Variants in SYT7 observed in about 807,000 individuals in gnomAD.
The protein encoded by SYT7 is synaptotagmin-7.
In SYT7, 29 loss-of-function variants were observed where a neutral mutation model predicts 75.1. The ratio of observed to expected loss-of-function variants is 0.39; its 90% CI spans 0.29 to 0.53. The LOEUF (loss-of-function observed/expected upper bound fraction) is 0.53. Ranked by LOEUF, SYT7 falls within the 20% of genes least tolerant of loss-of-function variation. The pLI is 0.77. For missense variants in SYT7, 693 were observed against 953.2 expected (o/e 0.73, Z 3.59); for synonymous variants, 376 against 401.7 (o/e 0.94, Z 0.76).
At chr11:61,560,824 GA>G (rs2063619167) in intron 1 of SYT7, among the ~76,000 whole-genome samples, 1 of 152,142 alleles carries the variant, frequency 6.6e-6, no homozygotes, top group Non-Finnish European at 1.5e-5. Flanking sequence ...CCCTGTTGGT[GA>G]CAGGGAGCTT....
chr11:61,583,230 A>T (rs573941035), upstream of SYT7, among the ~76,000 whole-genome samples: 2 of 151,804 alleles, frequency 1.3e-5, no homozygotes, highest in Non-Finnish European at 2.9e-5. Flanking sequence ...GGTCTCAAAA[A>T]AAAAAAGAGC....
At chr11:61,560,730 A>G (rs1183692744) in intron 1 of SYT7, among the ~76,000 whole-genome samples, 1 of 152,170 alleles carries the variant, frequency 6.6e-6, no homozygotes, top group Non-Finnish European at 1.5e-5. Context: ...CATTCCCTGC[A>G]TATGGAGTCA....
chr11:61,522,933 CAG>C, intron 12 of SYT7, 140 bp downstream of exon 12: 1 of 810,844 alleles, frequency 1.2e-6, no homozygotes, highest in South Asian at 1.7e-5. Flanking sequence ...GATGAAGAAA[CAG>C]AGGCCTGAGA....
At chr11:61,550,572 C>T (rs2063319554) in intron 3 of SYT7, among the ~76,000 whole-genome samples, 1 of 152,168 alleles carries the variant, frequency 6.6e-6, no homozygotes, top group South Asian at 2.1e-4. Context: ...GTGGGGTTAC[C>T]ACCCCTACCT....
At chr11:61,554,726 A>C (rs774832867) in intron 2 of SYT7, among the ~76,000 whole-genome samples, 2 of 152,192 alleles carry the variant, frequency 1.3e-5, no homozygotes, top group Non-Finnish European at 2.9e-5. Flanking sequence ...ACCTTTCCTG[A>C]AATTCTGAGA....
intron 1 of SYT7, among the ~76,000 whole-genome samples, chr11:61,563,381 G>C (rs2063689289): frequency 6.6e-6 from 1 of 152,168 alleles, no homozygotes; most frequent in Non-Finnish European, 1.5e-5. Context: ...TCCCCTGCTG[G>C]GGAGGTCACC....
In SYT7 at chr11:61,524,030, C is replaced by T. The variant is rs987227451; in HGVS notation, c.1642-89G>A. ...TGCCCCCAGGTCCCCTCTACCCTGA[C>T]CTTGGTGCTTACCCATGCCCCTGTC... is the stretch of plus-strand genomic sequence containing the variant. On this transcript the variant is annotated intron_variant, in intron 10 of 12. Coordinates refer to ENST00000539008, the MANE Select transcript of SYT7 (RefSeq NM_001365809.2). The surrounding 1 kb of genome is among the most constrained non-coding windows in gnomAD (Gnocchi z 4.1). The T allele has an allele frequency of 2.3e-5, 27 of 1,192,420 alleles. No individual in the cohort carries two copies. The African/African-American group carries it at 3.8e-4, about 17-fold the overall frequency. 73.9% of individuals were successfully genotyped at this position (1,192,420 alleles called of 1,614,324 possible). A position where few individuals can be genotyped will look rare whatever the true frequency, so the allele number is the denominator to read the frequency against.
In SYT7 at chr11:61,517,363, T is replaced by C; in HGVS notation, c.*1264A>G. ...AATCCTGGTCTTTTCCCTGCCTCCT[T>C]TCCCTGCACTGTGAGTGAGTCGGGC... On this transcript the variant is annotated 3_prime_UTR_variant, in exon 13 of 13. Transcript: ENST00000539008. 2.5e-6 allele frequency: 1 copy of C among 398,674 alleles called. No homozygotes were observed. The highest frequency in any genetic ancestry group is 4.4e-6 in the Non-Finnish European group (1 of 226,106). 24.7% of individuals were successfully genotyped at this position (398,674 alleles called of 1,614,324 possible).
chr11:61,527,778 T>G, intron 9 of SYT7, 137 bp downstream of exon 9: 42 of 962,294 alleles, frequency 4.4e-5, no homozygotes, highest in Non-Finnish European at 6.0e-5. Context: ...TCTGCTTGCA[T>G]GTGTGTTTGT....
rs560013918 is a variant in SYT7 at position 61,524,353 on chromosome 11, G to C, written c.1641+10C>G. Reference sequence around the variant, plus strand: ...GCCTGTCCAGCTAAGACCCACCCATGGGGCCTTACACTCCCATCGCTGCAT... The same window carrying C: ...GCCTGTCCAGCTAAGACCCACCCATCGGGCCTTACACTCCCATCGCTGCAT... On this transcript the variant is annotated intron_variant, in intron 10 of 12. Coordinates refer to ENST00000539008, the MANE Select transcript of SYT7 (RefSeq NM_001365809.2). The surrounding 1 kb of genome is among the most constrained non-coding windows in gnomAD (Gnocchi z 4.1). 6.2e-7 allele frequency: 1 copy of C among 1,613,718 alleles called. No homozygotes were observed. The highest frequency in any genetic ancestry group is 1.3e-5 in the African/African-American group (1 of 75,026).
rs576756115 is a variant in SYT7, at chr11:61,514,380, T to TA, written c.*4246dup. Among the ~76,000 whole-genome samples, 90 of 152,190 alleles carry TA rather than the reference T, an allele frequency of 5.9e-4. No individual in the cohort carries two copies. Among genetic ancestry groups the TA allele is most frequent in the African/African-American group, 2.1e-3 (88 of 41,530 alleles). On this transcript the variant is annotated 3_prime_UTR_variant, in exon 13 of 13. Coordinates refer to ENST00000539008, the MANE Select transcript of SYT7 (RefSeq NM_001365809.2). ...GAGGGACAGACAGCTTTGGATGGGG[T>TA]ACTTAGTGCAGCTCCGGGAGGCAGC... is the stretch of plus-strand genomic sequence containing the variant.
intron 5 of SYT7, among the ~76,000 whole-genome samples, chr11:61,545,756 C>A (rs2063165211): frequency 6.6e-6 from 1 of 152,228 alleles, no homozygotes; most frequent in Admixed American, 6.5e-5. Flanking sequence ...TGAAATGAAG[C>A]TGCCCTGGGG....
At chr11:61,550,313 T>C (rs2063311886) in intron 3 of SYT7, among the ~76,000 whole-genome samples, 1 of 150,670 alleles carries the variant, frequency 6.6e-6, no homozygotes, top group African/African-American at 2.4e-5. Flanking sequence ...GAGGGAGCCC[T>C]CAGGAGCGGG....
upstream of SYT7, among the ~76,000 whole-genome samples, chr11:61,582,847 G>A (rs2064309346): frequency 6.6e-6 from 1 of 152,092 alleles, no homozygotes; most frequent in African/African-American, 2.4e-5. Context: ...ACCCCAGAAA[G>A]CTAAGCCAAC....
In SYT7 at chr11:61,542,428, GGCTGGGCTGCCGGCCCC is replaced by G. The variant is rs760156134; in HGVS notation, c.707_723del (p.Arg236ProfsTer91). 21 of 1,532,832 alleles carry G rather than the reference GGCTGGGCTGCCGGCCCC, an allele frequency of 1.4e-5. No individual in the cohort carries two copies. The highest frequency in any genetic ancestry group is 2.2e-4 in the Middle Eastern group (1 of 4,552). 95.0% of individuals were successfully genotyped at this position (1,532,832 alleles called of 1,614,324 possible). A position where few individuals can be genotyped will look rare whatever the true frequency, so the allele number is the denominator to read the frequency against. On this transcript the variant is annotated frameshift_variant, in exon 6 of 13. Coordinates refer to ENST00000539008, the MANE Select transcript of SYT7 (RefSeq NM_001365809.2). LOFTEE classifies it high-confidence loss of function. The surrounding 1 kb of genome is among the most constrained non-coding windows in gnomAD (Gnocchi z 7.8). ...CCCAGGCTCTGGCTGGTGGTGGGCT[GGCTGGGCTGCCGGCCCC>G]GCTGGTGCTGGCTCAGCGGCTGTTG...
chr11:61,517,625 T>C lies in SYT7; in HGVS notation c.*1002A>G. 1 of 398,256 alleles carries C rather than the reference T, an allele frequency of 2.5e-6. No individual in the cohort carries two copies. The highest frequency in any genetic ancestry group is 2.1e-5 in the African/African-American group (1 of 48,418). The allele number at this position is 398,256 out of a possible 1,614,324, so 24.7% of individuals were successfully genotyped here. On this transcript the variant is annotated 3_prime_UTR_variant, in exon 13 of 13. Transcript: ENST00000539008. ...GGAGAATAGGGCAGATGTGGCTGCG[T>C]ATGAGGTGTGGGAAGCTGGCGGGGG...
chr11:61,580,961 C>A lies in SYT7; in HGVS notation c.-141G>T. ...GGGGGCCGAGCGGGCTGCACCTAGC[C>A]GCGGAGCCGGGGAGCGGGGGCCGCC... On this transcript the variant is annotated 5_prime_UTR_variant, in exon 1 of 13. Transcript: ENST00000539008. The surrounding 1 kb of genome is among the most constrained non-coding windows in gnomAD (Gnocchi z 6.1). The A allele has an allele frequency of 5.1e-6, 5 of 987,688 alleles. No homozygotes were observed. The highest frequency in any genetic ancestry group is 6.0e-6 in the Non-Finnish European group (5 of 831,980). The allele number at this position is 987,688 out of a possible 1,614,324, so 61.2% of individuals were successfully genotyped here.
At chr11:61,574,677 C>T (rs1216653441) in intron 1 of SYT7, among the ~76,000 whole-genome samples, 4 of 151,822 alleles carry the variant, frequency 2.6e-5, no homozygotes, top group African/African-American at 7.2e-5. Flanking sequence ...AGTATCTGGA[C>T]GCGGGGCACT....
rs558090920 is a variant in SYT7 at position 61,551,943 on chromosome 11, C to T, written c.136-480G>A. 2.0e-5 allele frequency among the ~76,000 whole-genome samples: 3 copies of T among 152,234 alleles called. No homozygotes were observed. The highest frequency in any genetic ancestry group is 2.9e-5 in the Non-Finnish European group (2 of 67,994). On this transcript the variant is annotated intron_variant, in intron 2 of 12. Coordinates refer to ENST00000539008, the MANE Select transcript of SYT7 (RefSeq NM_001365809.2). This position sits in a 1 kb window ranked among gnomAD's most constrained non-coding sequence, Gnocchi z 5.3. ...AGAAGGCCATGTCCCCAGTCCTGCT[C>T]GGGGCTGTGTCCACCACTGTCTGGG...
Sources: gnomAD v4.1 joint callset for allele counts (sites outside exome capture counted in the v4.1 genomes callset) on GRCh38, gnomAD v4.1.1 for gene constraint, Gnocchi (gnomAD v3.1) non-coding constraint, MANE v1.5 for transcripts, NCBI Gene and HGNC (gene_info 2026-07-23, HGNC 2026-07-21) for gene names.